The following CSMD1 variants were observed in gnomAD, a reference collection of about 807,000 sequenced individuals.
CSMD1 encodes CUB and sushi domain-containing protein 1.
CSMD1 carries 213 observed loss-of-function variants against 417.5 expected under a neutral mutation model. The observed-to-expected ratio is 0.51, with a 90% CI of 0.46 to 0.57. The LOEUF is 0.57. Ranked by LOEUF, CSMD1 falls within the 20% of genes least tolerant of loss-of-function variation. The probability of loss-of-function intolerance (pLI) is 0.00; values close to 1 mark genes in which losing one functional copy is unlikely to be tolerated. For synonymous variants in CSMD1, 2,862 were observed against 1,736.8 expected (o/e 1.65, Z -16.11); for missense variants, 6,923 against 4,529.7 (o/e 1.53, Z -15.17).
At chr8:2,990,907 A>C (rs1806328192) in intron 54 of CSMD1, among the ~76,000 whole-genome samples, 1 of 152,216 alleles carries the variant, frequency 6.6e-6, no homozygotes, top group South Asian at 2.1e-4. Flanking sequence ...ATCCCAGGGA[A>C]GCGCAGAACT....
intron 3 of CSMD1, among the ~76,000 whole-genome samples, chr8:4,102,632 C>T (rs1801363808): frequency 6.6e-6 from 1 of 152,136 alleles, no homozygotes; most frequent in Admixed American, 6.5e-5. Context: ...TGTTCTTGGC[C>T]TTTTAAATGT....
At chr8:4,384,467 TTCTA>T (rs1349640599) in intron 3 of CSMD1, among the ~76,000 whole-genome samples, 1 of 152,214 alleles carries the variant, frequency 6.6e-6, no homozygotes, top group Non-Finnish European at 1.5e-5. Context: ...ATAAAGCTTC[TTCTA>T]TCTACTATCT....
chr8:4,353,916 A>G (rs964369679), intron 3 of CSMD1, among the ~76,000 whole-genome samples: 1 of 152,196 alleles, frequency 6.6e-6, no homozygotes, highest in Non-Finnish European at 1.5e-5. Context: ...CTGTTTTTAC[A>G]CAATGTTCAT....
chr8:4,014,585 T>G (rs1381119058), intron 4 of CSMD1, among the ~76,000 whole-genome samples: 1 of 152,176 alleles, frequency 6.6e-6, no homozygotes, highest in African/African-American at 2.4e-5. Context: ...CATCTAATCT[T>G]TATCACTCCT....
At chr8:4,565,003 G>A (rs1203957307) in intron 2 of CSMD1, among the ~76,000 whole-genome samples, 1 of 152,152 alleles carries the variant, frequency 6.6e-6, no homozygotes, top group Non-Finnish European at 1.5e-5. Flanking sequence ...TGGAGTTACT[G>A]TAATGATAGA....
rs74738893 is a variant in CSMD1, at chr8:3,082,489, A to G, written c.7474+4608T>C. On this transcript the variant is annotated intron_variant, in intron 49 of 69. Transcript: ENST00000635120. The stretch of plus-strand genomic sequence containing the variant: ...GGATGACTATCCATTCCTGCTGACT[A>G]TCATATTGACTTGTACTTATCAGTT... 5.1e-3 allele frequency among the ~76,000 whole-genome samples: 777 copies of G among 152,174 alleles called. 10 individuals are homozygous for G. Among genetic ancestry groups the G allele is most frequent in the African/African-American group, 0.018 (736 of 41,516 alleles).
chr8:4,409,390 C>T (rs1170073905), intron 3 of CSMD1, among the ~76,000 whole-genome samples: 3 of 152,088 alleles, frequency 2.0e-5, no homozygotes, highest in Non-Finnish European at 4.4e-5. Flanking sequence ...ATAATTTACC[C>T]TTTCTCAGTG....
chr8:3,485,715 G>A (rs568500938), intron 11 of CSMD1, among the ~76,000 whole-genome samples: 1 of 150,544 alleles, frequency 6.6e-6, no homozygotes, highest in South Asian at 2.1e-4. Context: ...AGTTGAGATT[G>A]TGCCACTGCA....
intron 3 of CSMD1, among the ~76,000 whole-genome samples, chr8:4,254,550 G>A (rs1376766375): frequency 6.6e-6 from 1 of 152,110 alleles, no homozygotes; most frequent in Non-Finnish European, 1.5e-5. Flanking sequence ...GAAGACTACA[G>A]TAGTGTACAG....
chr8:4,879,662 G>A (rs1380071449), intron 1 of CSMD1, among the ~76,000 whole-genome samples: 1 of 151,940 alleles, frequency 6.6e-6, no homozygotes, highest in Non-Finnish European at 1.5e-5. Flanking sequence ...GAGATAAACT[G>A]GCCCATAGAA....
At chr8:4,450,402 C>A (rs779887278) in intron 2 of CSMD1, among the ~76,000 whole-genome samples, 1 of 151,982 alleles carries the variant, frequency 6.6e-6, no homozygotes, top group Non-Finnish European at 1.5e-5. Context: ...CTGAGGCAGG[C>A]GGATCAGCAG....
At chr8:4,222,365 CA>C (rs1563297128) in intron 3 of CSMD1, among the ~76,000 whole-genome samples, 5 of 226 alleles carry the variant, frequency 0.022, no homozygotes, top group Admixed American at 0.071. Context: ...ATTCTGTAAA[CA>C]GAATAAGAAG....
At chr8:4,374,449 T>A (rs1802590316) in intron 3 of CSMD1, among the ~76,000 whole-genome samples, 2 of 152,134 alleles carry the variant, frequency 1.3e-5, no homozygotes. Context: ...TGGAACTTTA[T>A]CTGTCCTACG....
At chr8:4,985,886 G>A (rs901411570) in intron 1 of CSMD1, among the ~76,000 whole-genome samples, 1 of 152,178 alleles carries the variant, frequency 6.6e-6, no homozygotes, top group Non-Finnish European at 1.5e-5. Flanking sequence ...AAGGGGAAAA[G>A]AGACACAACA....
rs555748992 is a variant in CSMD1, at chr8:3,343,210, A to G, written c.3631+84T>C. 7.0e-4 allele frequency: 851 copies of G among 1,220,296 alleles called. 1 individual carries two copies. The highest frequency in any genetic ancestry group is 9.0e-4 in the Non-Finnish European group (767 of 852,264). The allele number at this position is 1,220,296 out of a possible 1,614,324, so 75.6% of individuals were successfully genotyped here. A position where few individuals can be genotyped will look rare whatever the true frequency, so the allele number is the denominator to read the frequency against. ...ACAGTAGGCAGCCAGAAAAAAATCAATATTTAAAACTTAATATAAGCCAAG... is the reference window on the plus strand; with the variant it reads ...ACAGTAGGCAGCCAGAAAAAAATCAGTATTTAAAACTTAATATAAGCCAAG... On this transcript the variant is annotated intron_variant, in intron 23 of 69. Transcript: ENST00000635120.
At chr8:4,474,029 G>C (rs1478679121) in intron 2 of CSMD1, among the ~76,000 whole-genome samples, 7 of 152,028 alleles carry the variant, frequency 4.6e-5, no homozygotes, top group South Asian at 2.1e-4. Flanking sequence ...TTAAATAAGA[G>C]ATACTATCAA....
At chr8:3,484,068 G>A (rs994310004) in intron 11 of CSMD1, among the ~76,000 whole-genome samples, 2 of 152,218 alleles carry the variant, frequency 1.3e-5, no homozygotes, top group East Asian at 3.9e-4. Context: ...GAGTATACAT[G>A]CATATATGTT....
chr8:4,478,132 G>C (rs1299638636), intron 2 of CSMD1, among the ~76,000 whole-genome samples: 1 of 152,158 alleles, frequency 6.6e-6, no homozygotes, highest in Non-Finnish European at 1.5e-5. Flanking sequence ...CACAGGCCTA[G>C]TGCCTGTAAC....
chr8:4,235,828 G>A (rs1225821121), intron 3 of CSMD1, among the ~76,000 whole-genome samples: 6 of 152,138 alleles, frequency 3.9e-5, no homozygotes, highest in Non-Finnish European at 7.4e-5. Flanking sequence ...AGAACACTCA[G>A]AGGAGAGGAG....
Sources: gnomAD v4.1 joint callset for allele counts (sites outside exome capture counted in the v4.1 genomes callset) on GRCh38, gnomAD v4.1.1 for gene constraint, MANE v1.5 for transcripts, NCBI Gene and HGNC (gene_info 2026-07-23, HGNC 2026-07-21) for gene names.